The following ATP8B4 variants were observed in gnomAD, a reference collection of about 807,000 sequenced individuals.
The protein encoded by ATP8B4 is ATPase phospholipid transporting 8B4 (putative).
In ATP8B4, 133 loss-of-function variants were observed where a neutral mutation model predicts 145.6. The ratio of observed to expected loss-of-function variants is 0.91; its 90% CI spans 0.79 to 1.05. The LOEUF (loss-of-function observed/expected upper bound fraction) is 1.05. ATP8B4 is among the 50% of genes least tolerant of loss of function. The pLI is 0.00. For synonymous variants in ATP8B4, 507 were observed against 492.9 expected (o/e 1.03, Z -0.38); for missense variants, 1,458 against 1,425.2 (o/e 1.02, Z -0.37).
At chr15:49,986,607 G>C (rs2046620889) in intron 10 of ATP8B4, among the ~76,000 whole-genome samples, 1 of 152,148 alleles carries the variant, frequency 6.6e-6, no homozygotes, top group South Asian at 2.1e-4. Context: ...TGTTGAGGAA[G>C]GTCAGTTAAG....
chr15:50,168,277 A>C (rs1217345856), intron 1 of ATP8B4, among the ~76,000 whole-genome samples: 7 of 152,090 alleles, frequency 4.6e-5, no homozygotes, highest in Non-Finnish European at 8.8e-5. Context: ...ACAAACCAAC[A>C]ATCCCAAGAG....
intron 3 of ATP8B4, among the ~76,000 whole-genome samples, chr15:50,061,548 A>C (rs2053024679): frequency 2.0e-5 from 3 of 152,222 alleles, no homozygotes; most frequent in Non-Finnish European, 4.4e-5. Context: ...GCCTATATAA[A>C]ACTCACATTT....
chr15:50,017,991 C>CTTTTTTTTTTT (rs35825862), intron 6 of ATP8B4, among the ~76,000 whole-genome samples: 2 of 140,300 alleles, frequency 1.4e-5, no homozygotes, highest in African/African-American at 2.6e-5. Context: ...CTTTTTTTTT[C>CTTTTTTTTTTT]TTTTTTTTTT....
Position 50,126,949 on chromosome 15 carries a change from A to T in ATP8B4, c.-42-19941T>A, listed in dbSNP as rs555694429. Among the ~76,000 whole-genome samples the T allele has an allele frequency of 4.9e-4, 74 of 152,084 alleles. 1 individual carries two copies. The South Asian group carries it at 0.014, about 29-fold the overall frequency. ...GGGAACTGGAGACTGAAATCTGACC[A>T]CTGTTCTTCATTCTAAATTTCTTCC... On this transcript the variant is annotated intron_variant, in intron 1 of 3. Transcript: ENST00000558829.
chr15:49,964,441 A>G (rs1043259631), intron 13 of ATP8B4, among the ~76,000 whole-genome samples: 3 of 152,168 alleles, frequency 2.0e-5, no homozygotes, highest in South Asian at 2.1e-4. Context: ...TAAGAAGATA[A>G]TATTTCTTAG....
At chr15:50,112,720 T>G (rs1209123344) in intron 1 of ATP8B4, among the ~76,000 whole-genome samples, 1 of 152,080 alleles carries the variant, frequency 6.6e-6, no homozygotes, top group Admixed American at 6.5e-5. Flanking sequence ...CCAAGCTGTG[T>G]GAGGTTAAGT....
At chr15:50,048,909 ACACATG>A (rs1348715832) in intron 3 of ATP8B4, among the ~76,000 whole-genome samples, 1 of 152,180 alleles carries the variant, frequency 6.6e-6, no homozygotes, top group Admixed American at 6.5e-5. Flanking sequence ...TCACCAGCCC[ACACATG>A]CACATTAACC....
intron 1 of ATP8B4, among the ~76,000 whole-genome samples, chr15:50,125,402 C>T (rs2057300683): frequency 6.6e-6 from 1 of 152,180 alleles, no homozygotes; most frequent in South Asian, 2.1e-4. Context: ...CCTTATATGA[C>T]ACTTGGGAAG....
chr15:50,141,323 T>G (rs12912519), intron 1 of ATP8B4, among the ~76,000 whole-genome samples: 38,498 of 151,476 alleles, frequency 0.25, 5,662 homozygotes, highest in Non-Finnish European at 0.33. Flanking sequence ...GAGGTGAAAG[T>G]TTCCAGACTC....
At chr15:49,970,255 T>C (rs528472665) in intron 13 of ATP8B4, among the ~76,000 whole-genome samples, 2 of 152,316 alleles carry the variant, frequency 1.3e-5, no homozygotes, top group South Asian at 4.1e-4. Flanking sequence ...CAACATAGTA[T>C]TGGAAGTTCT....
intron 14 of ATP8B4, among the ~76,000 whole-genome samples, chr15:49,937,969 C>G (rs1418136602): frequency 6.6e-6 from 1 of 152,078 alleles, no homozygotes; most frequent in Non-Finnish European, 1.5e-5. Context: ...TTTTGGGACA[C>G]TGAAAAACAG....
Position 49,901,216 on chromosome 15 carries a change from CCAAA to C in ATP8B4, c.2161_2164del (p.Phe721AspfsTer11). The C allele has an allele frequency of 6.2e-7, 1 of 1,613,012 alleles. No homozygotes were observed. Among genetic ancestry groups the C allele is most frequent in the Non-Finnish European group, 8.5e-7 (1 of 1,179,430 alleles). ...GCCATTGGAAAAATTTCTGTTTTGT[CCAAA>C]CAAATTTTGTTTTGCTTTCCTTAAA... On this transcript the variant is annotated frameshift_variant, in exon 21 of 28. Coordinates refer to ENST00000284509, the MANE Select transcript of ATP8B4 (RefSeq NM_024837.4). LOFTEE classifies it high-confidence loss of function.
chr15:50,040,160 G>A (rs1567244861), intron 5 of ATP8B4, among the ~76,000 whole-genome samples: 2 of 152,208 alleles, frequency 1.3e-5, no homozygotes, highest in Admixed American at 6.5e-5. Flanking sequence ...CTGCCCTGTG[G>A]CTTCTGGTAA....
chr15:50,010,996 G>A (rs1599790513), intron 6 of ATP8B4, 79 bp from the exon 7 acceptor site: 11 of 993,834 alleles, frequency 1.1e-5, no homozygotes, highest in Non-Finnish European at 1.4e-5. Context: ...TCACAATGTA[G>A]CATCATATAA....
At chr15:50,164,805 T>C (rs2044572151) in intron 1 of ATP8B4, among the ~76,000 whole-genome samples, 1 of 152,212 alleles carries the variant, frequency 6.6e-6, no homozygotes, top group South Asian at 2.1e-4. Flanking sequence ...CACCTCTGGC[T>C]ATGGCTGGTC....
chr15:50,145,196 A>C (rs2044261408), intron 1 of ATP8B4, among the ~76,000 whole-genome samples: 1 of 152,224 alleles, frequency 6.6e-6, no homozygotes, highest in South Asian at 2.1e-4. Context: ...TTGAACAAAA[A>C]ATAAAGAGGT....
At chr15:50,127,934 T>G (rs2057318034) in intron 1 of ATP8B4, among the ~76,000 whole-genome samples, 1 of 152,142 alleles carries the variant, frequency 6.6e-6, no homozygotes, top group Non-Finnish European at 1.5e-5. Flanking sequence ...TGAGCCATCT[T>G]TAGGTAGAGT....
At chr15:49,906,478 C>T (rs1288908312) in intron 20 of ATP8B4, among the ~76,000 whole-genome samples, 2 of 152,166 alleles carry the variant, frequency 1.3e-5, no homozygotes, top group East Asian at 1.9e-4. Context: ...TTAACTCAAT[C>T]GCTCCTTTTC....
intron 8 of ATP8B4, among the ~76,000 whole-genome samples, chr15:49,997,832 A>T (rs997910074): frequency 2.0e-5 from 3 of 152,144 alleles, no homozygotes; most frequent in African/African-American, 7.2e-5. Context: ...TTGGATGTAT[A>T]ATTCAAGCTA....
Sources: gnomAD v4.1 joint callset for allele counts (sites outside exome capture counted in the v4.1 genomes callset) on GRCh38, gnomAD v4.1.1 for gene constraint, MANE v1.5 for transcripts, NCBI Gene and HGNC (gene_info 2026-07-23, HGNC 2026-07-21) for gene names.